The following MFSD6 variants were observed in gnomAD, a reference collection of about 807,000 sequenced individuals.
The protein encoded by MFSD6 is major facilitator superfamily domain-containing protein 6.
In MFSD6, 26 loss-of-function variants were observed where a neutral mutation model predicts 56.3. That is an observed-to-expected ratio of 0.46 (90% CI 0.34 to 0.64). The LOEUF (loss-of-function observed/expected upper bound fraction) is 0.64, where lower values mean the gene tolerates loss of function less well. MFSD6 is among the 30% of genes least tolerant of loss of function. MFSD6 has a pLI of 0.01. For synonymous variants in MFSD6, 331 were observed against 366.9 expected (o/e 0.90, Z 1.12); for missense variants, 750 against 986.2 (o/e 0.76, Z 3.21).
rs1386549755 is a variant in MFSD6 at position 190,436,749 on chromosome 2, GA to G, written c.721del (p.Thr241LeufsTer2). On this transcript the variant is annotated frameshift_variant, in exon 3 of 8. Coordinates refer to ENST00000392328, the MANE Select transcript of MFSD6 (RefSeq NM_017694.4). LOFTEE classifies it high-confidence loss of function. The surrounding 1 kb of genome is among the most constrained non-coding windows in gnomAD (Gnocchi z 5.3). ...AAATTACTAACCGTATGATGGACTT[GA>G]CTTTGAACTCAAGCACAGCAACCCC... Reference protein sequence around the residue: ...GEITNRMMDLTLNSSTATPVS... With the variant: ...GEITNRMMDLXLNSSTATPVS... 1 of 1,614,042 alleles carries G rather than the reference GA, an allele frequency of 6.2e-7. No individual in the cohort carries two copies.
chr2:190,447,571 A>G lies in MFSD6; in HGVS notation c.1532+10010A>G, dbSNP rs371803418. 2.4e-4 allele frequency among the ~76,000 whole-genome samples: 37 copies of G among 152,326 alleles called. No homozygotes were observed. In the East Asian group the frequency reaches 2.9e-3, roughly 12 times the overall value. On this transcript the variant is annotated intron_variant, in intron 3 of 7. Coordinates refer to ENST00000392328, the MANE Select transcript of MFSD6 (RefSeq NM_017694.4). This position sits in a 1 kb window ranked among gnomAD's most constrained non-coding sequence, Gnocchi z 4.5. ...ACATTAAAAAATAAATTGCTTATATACTTCTTAGTGCCACGTTTTAGGCAT... is the reference window on the plus strand; with the variant it reads ...ACATTAAAAAATAAATTGCTTATATGCTTCTTAGTGCCACGTTTTAGGCAT...
At chr2:190,476,602 G>T (rs1688332350) in intron 4 of MFSD6, among the ~76,000 whole-genome samples, 1 of 152,192 alleles carries the variant, frequency 6.6e-6, no homozygotes, top group Non-Finnish European at 1.5e-5. Context: ...TTACACTGTT[G>T]GTGGGACTGT....
In MFSD6 at chr2:190,502,292, T is replaced by C. The variant is rs1690061807; in HGVS notation, c.*2074T>C. 1 of 152,192 alleles carries C rather than the reference T, an allele frequency of 6.6e-6. No homozygotes were observed. The highest frequency in any genetic ancestry group is 6.5e-5 in the Admixed American group (1 of 15,274). 9.4% of individuals were successfully genotyped at this position (152,192 alleles called of 1,614,324 possible). A position where few individuals can be genotyped will look rare whatever the true frequency, so the allele number is the denominator to read the frequency against. On this transcript the variant is annotated 3_prime_UTR_variant, in exon 8 of 8. Coordinates refer to ENST00000392328, the MANE Select transcript of MFSD6 (RefSeq NM_017694.4). This position sits in a 1 kb window ranked among gnomAD's most constrained non-coding sequence, Gnocchi z 4.4. ...AAGTGCCATATGCTACCTTAAAAAA[T>C]ATTAAAGTGAATTCAAATTACATTT... is the stretch of plus-strand genomic sequence containing the variant.
In MFSD6 at chr2:190,498,391, C is replaced by T. The variant is rs1025912025; in HGVS notation, c.2172+672C>T. On this transcript the variant is annotated intron_variant, in intron 7 of 7. Coordinates refer to ENST00000392328, the MANE Select transcript of MFSD6 (RefSeq NM_017694.4). The surrounding 1 kb of genome is among the most constrained non-coding windows in gnomAD (Gnocchi z 5.9). Reference sequence around the variant, plus strand: ...TCACTCCCTTTTATTTGATAAGTCACGTCAGCTTTGTCTGGAGTAGCTTCA... The same window carrying T: ...TCACTCCCTTTTATTTGATAAGTCATGTCAGCTTTGTCTGGAGTAGCTTCA... Among the ~76,000 whole-genome samples the T allele has an allele frequency of 3.3e-5, 5 of 152,110 alleles. No homozygotes were observed. Among genetic ancestry groups the T allele is most frequent in the Admixed American group, 2.6e-4 (4 of 15,272 alleles).
chr2:190,417,354 C>G lies in MFSD6; in HGVS notation c.-54+1941C>G, dbSNP rs1331730541. 6.6e-6 allele frequency among the ~76,000 whole-genome samples: 1 copy of G among 152,182 alleles called. No individual in the cohort carries two copies. Among genetic ancestry groups the G allele is most frequent in the Non-Finnish European group, 1.5e-5 (1 of 68,032 alleles). On this transcript the variant is annotated intron_variant, in intron 2 of 7. Transcript: ENST00000392328. This position sits in a 1 kb window ranked among gnomAD's most constrained non-coding sequence, Gnocchi z 5.7. The stretch of plus-strand genomic sequence containing the variant: ...AGCAAAACCCTGCCAATCTATTCAT[C>G]CTTTAAGATTGGCTCGAGGCCCCAC...
At position 190,456,046 on chromosome 2, in the gene MFSD6, T is replaced by A. The variant is rs555762467; in HGVS notation, c.1533-13712T>A. 2.1e-5 allele frequency among the ~76,000 whole-genome samples: 3 copies of A among 142,840 alleles called. No individual in the cohort carries two copies. In the Admixed American group the frequency reaches 2.3e-4, roughly 11 times the overall value. The allele number at this position is 142,840 out of a possible 152,430, so 93.7% of individuals were successfully genotyped here. Reference sequence around the variant, plus strand: ...ACCTCTGCCTCCTGGGTTCAAGCAGTTCTCCTGTGTCAGCCTCTCTTGTAG... The same window carrying A: ...ACCTCTGCCTCCTGGGTTCAAGCAGATCTCCTGTGTCAGCCTCTCTTGTAG... On this transcript the variant is annotated intron_variant, in intron 3 of 7. Transcript: ENST00000392328. This position sits in a 1 kb window ranked among gnomAD's most constrained non-coding sequence, Gnocchi z 5.4.
rs376300360 is a variant in MFSD6, at chr2:190,484,285, G to T, written c.1631-4372G>T. Among the ~76,000 whole-genome samples, 5 of 152,252 alleles carry T rather than the reference G, an allele frequency of 3.3e-5. No individual in the cohort carries two copies. In the East Asian group the frequency reaches 7.7e-4, roughly 23 times the overall value. ...ACTTTGTTATCTCATACTTAAAAAG[G>T]TTTAAAAATTTGTAATTCTAGTGTA... On this transcript the variant is annotated intron_variant, in intron 4 of 7. Transcript: ENST00000392328.
At position 190,471,125 on chromosome 2, in the gene MFSD6, C is replaced by T. The variant is rs1489712441; in HGVS notation, c.1630+1270C>T. On this transcript the variant is annotated intron_variant, in intron 4 of 7. Transcript: ENST00000392328. This position sits in a 1 kb window ranked among gnomAD's most constrained non-coding sequence, Gnocchi z 4.7. The stretch of plus-strand genomic sequence containing the variant: ...AACAGGAGGGTGGAGCCAAGATGGC[C>T]GAATAGGAACAGCTCCAGTCTACAG... Among the ~76,000 whole-genome samples, 1 of 152,056 alleles carries T rather than the reference C, an allele frequency of 6.6e-6. No individual in the cohort carries two copies. The highest frequency in any genetic ancestry group is 2.4e-5 in the African/African-American group (1 of 41,394).
Position 190,501,923 on chromosome 2 carries a change from G to A in MFSD6, c.*1705G>A, listed in dbSNP as rs1424884330. On this transcript the variant is annotated 3_prime_UTR_variant, in exon 8 of 8. Transcript: ENST00000392328. ...GGGTGACAGGCTTAACCTCACCTAT[G>A]AATGTACAGTATGTGGATTTGTGAA... is the stretch of plus-strand genomic sequence containing the variant. 6.6e-6 allele frequency: 1 copy of A among 152,582 alleles called. No homozygotes were observed. The highest frequency in any genetic ancestry group is 1.5e-5 in the Non-Finnish European group (1 of 68,024). 9.5% of individuals were successfully genotyped at this position (152,582 alleles called of 1,614,324 possible). A position where few individuals can be genotyped will look rare whatever the true frequency, so the allele number is the denominator to read the frequency against.
In MFSD6 at chr2:190,469,733, A is replaced by AT. The variant is rs145257711; in HGVS notation, c.1533-20dup. 74 of 1,122,650 alleles carry AT rather than the reference A, an allele frequency of 6.6e-5. No individual in the cohort carries two copies. Among genetic ancestry groups the AT allele is most frequent in the Admixed American group, 5.9e-4 (18 of 30,668 alleles). The allele number at this position is 1,122,650 out of a possible 1,614,324, so 69.5% of individuals were successfully genotyped here. A position where few individuals can be genotyped will look rare whatever the true frequency, so the allele number is the denominator to read the frequency against. On this transcript the variant is annotated intron_variant, in intron 3 of 7. Coordinates refer to ENST00000392328, the MANE Select transcript of MFSD6 (RefSeq NM_017694.4). The surrounding 1 kb of genome is among the most constrained non-coding windows in gnomAD (Gnocchi z 5.3). ...ATTTTCCTTTGCTTTTTTTTATTTT[A>AT]TTTTTATTTTTTATTTTTTTTTAGG...
intron 4 of MFSD6, among the ~76,000 whole-genome samples, chr2:190,470,715 G>A (rs1033299936): frequency 4.6e-5 from 7 of 152,160 alleles, no homozygotes; most frequent in Non-Finnish European, 7.4e-5. Flanking sequence ...TGTAATCAAT[G>A]TGATTAATTG....
intron 3 of MFSD6, among the ~76,000 whole-genome samples, chr2:190,448,571 A>G (rs1262026798): frequency 3.3e-5 from 5 of 152,220 alleles, no homozygotes; most frequent in Admixed American, 6.5e-5. Flanking sequence ...TCAAAATAAT[A>G]CACAATTCAG....
At chr2:190,460,686 C>T (rs138672786) in intron 3 of MFSD6, among the ~76,000 whole-genome samples, 287 of 152,226 alleles carry the variant, frequency 1.9e-3, no homozygotes, top group Non-Finnish European at 3.6e-3. Context: ...CGTGATGCTG[C>T]AATCACATAT....
Position 190,492,099 on chromosome 2 carries a change from G to A in MFSD6, c.1891+2233G>A, listed in dbSNP as rs371182469. On this transcript the variant is annotated intron_variant, in intron 6 of 7. Transcript: ENST00000392328. This position sits in a 1 kb window ranked among gnomAD's most constrained non-coding sequence, Gnocchi z 5.2. The stretch of plus-strand genomic sequence containing the variant: ...GACAAGGTTTTTGAATTAATCCAAC[G>A]AAGACAAAGAAAAAAGAATTTTAAA... 2.4e-4 allele frequency among the ~76,000 whole-genome samples: 36 copies of A among 152,116 alleles called. No homozygotes were observed. Among genetic ancestry groups the A allele is most frequent in the Non-Finnish European group, 4.0e-4 (27 of 67,992 alleles).
Position 190,474,091 on chromosome 2 carries a change from T to C in MFSD6, c.1630+4236T>C, listed in dbSNP as rs190245949. 2.4e-3 allele frequency among the ~76,000 whole-genome samples: 365 copies of C among 152,130 alleles called. 6 individuals carry two copies. Among genetic ancestry groups the C allele is most frequent in the Non-Finnish European group, 1.3e-3 (87 of 67,976 alleles). The stretch of plus-strand genomic sequence containing the variant: ...GTGTGTAGAGGGAAATTTATAGCAC[T>C]AAATGCCCACAAGAGAAAGCAGGAA... On this transcript the variant is annotated intron_variant, in intron 4 of 7. Transcript: ENST00000392328.
rs1405761609 is a variant in MFSD6, at chr2:190,462,541, AC to A, written c.1533-7216del. 6.6e-6 allele frequency among the ~76,000 whole-genome samples: 1 copy of A among 152,208 alleles called. No individual in the cohort carries two copies. Among genetic ancestry groups the A allele is most frequent in the African/African-American group, 2.4e-5 (1 of 41,448 alleles). On this transcript the variant is annotated intron_variant, in intron 3 of 7. Transcript: ENST00000392328. This position sits in a 1 kb window ranked among gnomAD's most constrained non-coding sequence, Gnocchi z 5.7. ...TGAGCAAGGCAGGCTCTTTTTGAGT[AC>A]AAAGAGGAAGAAGACATGGCCGTTG...
intron 2 of MFSD6, among the ~76,000 whole-genome samples, chr2:190,428,300 T>C (rs538238215): frequency 6.6e-6 from 1 of 152,330 alleles, no homozygotes; most frequent in East Asian, 1.9e-4. Flanking sequence ...GCAGTGAACA[T>C]GTTTATAGAT....
At chr2:190,428,434 T>C (rs1484603162) in intron 2 of MFSD6, among the ~76,000 whole-genome samples, 3 of 152,206 alleles carry the variant, frequency 2.0e-5, no homozygotes, top group Non-Finnish European at 4.4e-5. Context: ...ATGAGAGTTC[T>C]AGTTGCTCCA....
intron 3 of MFSD6, among the ~76,000 whole-genome samples, chr2:190,446,286 A>G (rs7593240): frequency 0.7 from 105,983 of 151,994 alleles, 38,128 homozygotes; most frequent in Admixed American, 0.79. Flanking sequence ...TGCTGTTTTC[A>G]CAACATAAAA....
Sources: allele counts gnomAD v4.1 joint callset (sites outside exome capture counted in the v4.1 genomes callset), GRCh38; gene constraint gnomAD v4.1.1; non-coding constraint Gnocchi (gnomAD v3.1); transcripts MANE v1.5; gene names NCBI Gene and HGNC (gene_info 2026-07-23, HGNC 2026-07-21).